The following CACNB4 variants were observed in gnomAD, a reference collection of about 807,000 sequenced individuals.
CACNB4 encodes voltage-dependent L-type calcium channel subunit beta-4.
Under a neutral mutation model 71.2 loss-of-function variants are expected in CACNB4, and 32 were observed. The observed-to-expected ratio is 0.45, with a 90% CI of 0.34 to 0.60. The LOEUF (loss-of-function observed/expected upper bound fraction) is 0.60, where lower values mean the gene tolerates loss of function less well. Among genes scored for constraint, CACNB4 ranks in the 20% least tolerant of loss-of-function variants. CACNB4 has a pLI of 0.01. For missense variants in CACNB4, 464 were observed against 647.9 expected (o/e 0.72, Z 3.08); for synonymous variants, 231 against 236.9 (o/e 0.97, Z 0.23).
At chr2:151,946,633 C>T (rs1388348651) in intron 2 of CACNB4, among the ~76,000 whole-genome samples, 1 of 152,146 alleles carries the variant, frequency 6.6e-6, no homozygotes, top group African/African-American at 2.4e-5. Context: ...GATGGACAAC[C>T]AGCAGAGAAA....
At chr2:151,912,516 A>G (rs2151540863) in intron 2 of CACNB4, among the ~76,000 whole-genome samples, 1 of 152,278 alleles carries the variant, frequency 6.6e-6, no homozygotes, top group East Asian at 1.9e-4. Context: ...ATTTGATTGC[A>G]CTGTGGTCTG....
chr2:151,865,345 G>A (rs2099842798), intron 9 of CACNB4, among the ~76,000 whole-genome samples: 1 of 151,852 alleles, frequency 6.6e-6, no homozygotes, highest in Non-Finnish European at 1.5e-5. Context: ...GTGTTCTTAG[G>A]CTAAAAGCAT....
intron 2 of CACNB4, among the ~76,000 whole-genome samples, chr2:151,896,194 C>T (rs2099852023): frequency 6.6e-6 from 1 of 152,140 alleles, no homozygotes; most frequent in Non-Finnish European, 1.5e-5. Flanking sequence ...CCCAGGGGCC[C>T]CAACAGAGAC....
At position 151,838,850 on chromosome 2, in the gene CACNB4, T is replaced by G. The variant is rs537717871; in HGVS notation, c.*269A>C. ...CTTGTAAGTACCCTAAATTACAAAT[T>G]GATGTGTCTAAATCTATGAAGAAAA... On this transcript the variant is annotated 3_prime_UTR_variant, in exon 14 of 14. Coordinates refer to ENST00000539935, the MANE Select transcript of CACNB4 (RefSeq NM_000726.5). The G allele has an allele frequency of 2.3e-5, 6 of 260,728 alleles. No homozygotes were observed. The South Asian group carries it at 7.3e-4, about 32-fold the overall frequency. The allele number at this position is 260,728 out of a possible 1,614,324, so 16.2% of individuals were successfully genotyped here.
intron 10 of CACNB4, chr2:151,858,235 A>G (rs1469143861): frequency 2.0e-5 from 3 of 152,224 alleles, no homozygotes; most frequent in Admixed American, 2.0e-4. Context: ...GAACACTTCT[A>G]TAAACTGACC....
At chr2:152,016,104 A>C (rs959887372) in intron 2 of CACNB4, among the ~76,000 whole-genome samples, 37 of 152,380 alleles carry the variant, frequency 2.4e-4, no homozygotes, top group African/African-American at 8.9e-4. Flanking sequence ...AAAACTATAT[A>C]GTGCATCTGC....
rs572065217 is a variant in CACNB4, at chr2:151,870,732, G to A, written c.618+110C>T. The A allele has an allele frequency of 4.2e-5, 51 of 1,207,648 alleles. No individual in the cohort carries two copies. In the South Asian group the frequency reaches 4.4e-4, roughly 10 times the overall value. 74.8% of individuals were successfully genotyped at this position (1,207,648 alleles called of 1,614,324 possible). On this transcript the variant is annotated intron_variant, in intron 7 of 13. Coordinates refer to ENST00000539935, the MANE Select transcript of CACNB4 (RefSeq NM_000726.5). ...ACAAATGATTATCAAAGTCCCCACC[G>A]AGGAGGCTCTTCCCTTATTTTATAG...
chr2:151,973,457 T>G (rs1329221216), intron 2 of CACNB4: 2 of 579,196 alleles, frequency 3.5e-6, no homozygotes, highest in East Asian at 5.7e-5. Context: ...GCCATCACCC[T>G]AATTTCTTTT....
intron 2 of CACNB4, among the ~76,000 whole-genome samples, chr2:152,001,526 TAAAAA>T (rs70974816): frequency 1.3e-3 from 46 of 35,488 alleles, no homozygotes; most frequent in African/African-American, 3.8e-3. Flanking sequence ...CCATCTCTAC[TAAAAA>T]AAAAAAAAAA....
At chr2:151,917,470 C>T (rs187291472) in intron 2 of CACNB4, among the ~76,000 whole-genome samples, 2 of 152,236 alleles carry the variant, frequency 1.3e-5, no homozygotes, top group East Asian at 1.9e-4. Context: ...TAAAGAGCTC[C>T]GCACAGGGCA....
chr2:152,069,503 C>CTT (rs34430081), intron 2 of CACNB4, among the ~76,000 whole-genome samples: 55 of 128,898 alleles, frequency 4.3e-4, no homozygotes, highest in Non-Finnish European at 6.0e-4. Flanking sequence ...AAGAACACGC[C>CTT]TTTTTTTTTT....
At chr2:152,030,249 A>G (rs1684209994) in intron 2 of CACNB4, among the ~76,000 whole-genome samples, 1 of 152,244 alleles carries the variant, frequency 6.6e-6, no homozygotes, top group Non-Finnish European at 1.5e-5. Flanking sequence ...CATGTTTGTT[A>G]AGACAAAAGA....
intron 2 of CACNB4, among the ~76,000 whole-genome samples, chr2:152,017,966 G>A (rs142832683): frequency 3.3e-5 from 5 of 151,812 alleles, no homozygotes; most frequent in African/African-American, 7.2e-5. Flanking sequence ...CAGAGTAGCC[G>A]GGATTACAGG....
intron 2 of CACNB4, among the ~76,000 whole-genome samples, chr2:151,899,879 G>A (rs1383248690): frequency 6.6e-6 from 1 of 152,046 alleles, no homozygotes; most frequent in Non-Finnish European, 1.5e-5. Context: ...GCCTAATAAG[G>A]GCTTATAACC....
At chr2:152,061,641 C>CAAA (rs57640851) in intron 2 of CACNB4, among the ~76,000 whole-genome samples, 4 of 132,464 alleles carry the variant, frequency 3.0e-5, no homozygotes. Context: ...CTTCTCAAAG[C>CAAA]AAAAAAAAAA....
At chr2:151,956,570 G>A (rs1284525024) in intron 2 of CACNB4, among the ~76,000 whole-genome samples, 1 of 152,124 alleles carries the variant, frequency 6.6e-6, no homozygotes, top group Non-Finnish European at 1.5e-5. Flanking sequence ...TTTTCTTTTT[G>A]GGGTGATTAA....
chr2:152,050,293 AT>A (rs1685355997), intron 2 of CACNB4, among the ~76,000 whole-genome samples: 1 of 152,218 alleles, frequency 6.6e-6, no homozygotes, highest in Admixed American at 6.5e-5. Flanking sequence ...ATCATCTGCT[AT>A]TGATGAAGCG....
intron 2 of CACNB4, among the ~76,000 whole-genome samples, chr2:151,947,032 A>T (rs1249192122): frequency 6.6e-6 from 1 of 152,200 alleles, no homozygotes; most frequent in Non-Finnish European, 1.5e-5. Context: ...CCAAGGAGAG[A>T]CACCAGATGA....
intron 2 of CACNB4, among the ~76,000 whole-genome samples, chr2:151,914,690 G>A (rs865853244): frequency 6.6e-6 from 1 of 152,188 alleles, no homozygotes; most frequent in African/African-American, 2.4e-5. Context: ...ATGCATTGTT[G>A]TGGCTTTCTG....
Sources: allele counts gnomAD v4.1 joint callset (sites outside exome capture counted in the v4.1 genomes callset), GRCh38; gene constraint gnomAD v4.1.1; transcripts MANE v1.5; gene names NCBI Gene and HGNC (gene_info 2026-07-23, HGNC 2026-07-21).